Variants in TBPL1 observed in about 807,000 individuals in gnomAD.
TBPL1 encodes TATA box-binding protein-like 1.
In TBPL1, 4 loss-of-function variants were observed where a neutral mutation model predicts 22.1. The observed-to-expected ratio is 0.18, with a 90% CI of 0.09 to 0.41. The LOEUF (loss-of-function observed/expected upper bound fraction) is 0.41. Among genes scored for constraint, TBPL1 ranks in the 10% least tolerant of loss-of-function variants. TBPL1 has a pLI of 1.00. For missense variants in TBPL1, 115 were observed against 222.3 expected (o/e 0.52, Z 3.07); for synonymous variants, 64 against 71.0 (o/e 0.90, Z 0.50).
chr6:133,989,126 T>C lies in TBPL1; in HGVS notation c.*2086T>C, dbSNP rs1474486257. 6.6e-6 allele frequency: 1 copy of C among 152,184 alleles called. No homozygotes were observed. Among genetic ancestry groups the C allele is most frequent in the Admixed American group, 6.5e-5 (1 of 15,278 alleles). The allele number at this position is 152,184 out of a possible 1,614,324, so 9.4% of individuals were successfully genotyped here. On this transcript the variant is annotated 3_prime_UTR_variant, in exon 7 of 7. Transcript: ENST00000237264. ...AGTGTCCATGGGTAATTCGCTAACC[T>C]TAACAAAGATGGGAAGAAGTGAGTG...
intron 1 of TBPL1, among the ~76,000 whole-genome samples, chr6:133,969,745 T>G (rs1405392345): frequency 1.3e-5 from 2 of 152,216 alleles, no homozygotes; most frequent in Non-Finnish European, 2.9e-5. Flanking sequence ...GGTTTTCAAC[T>G]GTTAGACCTT....
At chr6:133,969,442 G>A (rs896846466) in intron 1 of TBPL1, among the ~76,000 whole-genome samples, 1 of 151,924 alleles carries the variant, frequency 6.6e-6, no homozygotes, top group African/African-American at 2.4e-5. Flanking sequence ...TCTAGATTGA[G>A]TCTCATAGAT....
intron 1 of TBPL1, among the ~76,000 whole-genome samples, chr6:133,967,676 T>C (rs1340417531): frequency 1.3e-5 from 2 of 152,176 alleles, no homozygotes; most frequent in Non-Finnish European, 1.5e-5. Flanking sequence ...AGTATTTGGG[T>C]ATCTAAACAT....
At chr6:133,962,303 G>A (rs1332934918) in intron 1 of TBPL1, among the ~76,000 whole-genome samples, 1 of 152,202 alleles carries the variant, frequency 6.6e-6, no homozygotes, top group African/African-American at 2.4e-5. Flanking sequence ...TAGCTATTTG[G>A]TAGATGGATT....
In TBPL1 at chr6:133,982,441, GGA is replaced by G. The variant is rs934621125; in HGVS notation, c.136-123_136-122del. 6.0e-6 allele frequency: 4 copies of G among 667,606 alleles called. No individual in the cohort carries two copies. In the African/African-American group the frequency reaches 7.4e-5, roughly 12 times the overall value. The allele number at this position is 667,606 out of a possible 1,614,324, so 41.4% of individuals were successfully genotyped here. A position where few individuals can be genotyped will look rare whatever the true frequency, so the allele number is the denominator to read the frequency against. On this transcript the variant is annotated intron_variant, in intron 2 of 6. Coordinates refer to ENST00000237264, the MANE Select transcript of TBPL1 (RefSeq NM_004865.4). ...TACTTGATTTCAGAATGGTAGATTT[GGA>G]GAGCAGTTATTGCAGTCTTGGATAA...
intron 1 of TBPL1, among the ~76,000 whole-genome samples, chr6:133,954,808 C>T (rs145263790): frequency 2.0e-4 from 31 of 152,278 alleles, no homozygotes; most frequent in African/African-American, 6.5e-4. Flanking sequence ...TACCCTCTGC[C>T]CTCAAAATCA....
chr6:133,957,761 T>A (rs1775952341), intron 1 of TBPL1, among the ~76,000 whole-genome samples: 1 of 152,240 alleles, frequency 6.6e-6, no homozygotes, highest in Non-Finnish European at 1.5e-5. Context: ...AGTTTCCTCA[T>A]CTGTACTAGG....
chr6:133,979,138 T>G (rs983467810), intron 1 of TBPL1, among the ~76,000 whole-genome samples: 2 of 152,156 alleles, frequency 1.3e-5, no homozygotes, highest in African/African-American at 4.8e-5. Flanking sequence ...TTGGTAGAGC[T>G]CCTCCTGTAC....
intron 1 of TBPL1, among the ~76,000 whole-genome samples, chr6:133,960,376 T>G (rs1304134000): frequency 6.6e-6 from 1 of 151,898 alleles, no homozygotes; most frequent in African/African-American, 2.4e-5. Context: ...AATGGAAATC[T>G]GTAGGTCTCA....
At chr6:133,956,887 G>C (rs945654738) in intron 1 of TBPL1, among the ~76,000 whole-genome samples, 8 of 152,206 alleles carry the variant, frequency 5.3e-5, no homozygotes, top group African/African-American at 1.7e-4. Flanking sequence ...ATTTCAAAAG[G>C]ATGAGAGACT....
Position 133,984,596 on chromosome 6 carries a change from C to T in TBPL1, c.406C>T (p.Pro136Ser). ...GTGTAGTTACGAACCTGAACTTCATCCTGCTGTGTGCTATCGGATAAAATC... is the reference window on the plus strand; with the variant it reads ...GTGTAGTTACGAACCTGAACTTCATTCTGCTGTGTGCTATCGGATAAAATC... ...PHASYEPELH[P>S]AVCYRIKSLR... The change falls in exon 6 of 7, where the codon CCT becomes TCT. Residue 136 changes from proline to serine, a missense_variant. Pro to Ser is a moderately conservative substitution (Grantham distance 74, BLOSUM62 -1). Transcript: ENST00000237264. 6.2e-7 allele frequency: 1 copy of T among 1,613,366 alleles called. No homozygotes were observed. The highest frequency in any genetic ancestry group is 8.5e-7 in the Non-Finnish European group (1 of 1,179,782).
At chr6:133,968,212 C>A (rs556401035) in intron 1 of TBPL1, among the ~76,000 whole-genome samples, 1 of 152,126 alleles carries the variant, frequency 6.6e-6, no homozygotes, top group East Asian at 1.9e-4. Context: ...TGATCTCGAT[C>A]TCTTGACCTC....
At chr6:133,971,515 G>A (rs1022366304) in intron 1 of TBPL1, among the ~76,000 whole-genome samples, 2 of 152,018 alleles carry the variant, frequency 1.3e-5, no homozygotes, top group African/African-American at 4.8e-5. Context: ...GGCTATGTGA[G>A]TTTACTATCC....
rs1776564391 is a variant in TBPL1, at chr6:133,988,131, C to T, written c.*1091C>T. ...GCCACAGTGTAATTATCAAATAGCC[C>T]CACTTGAATTTGAAAGCCATTTTGT... is the stretch of plus-strand genomic sequence containing the variant. On this transcript the variant is annotated 3_prime_UTR_variant, in exon 7 of 7. Transcript: ENST00000237264. The T allele has an allele frequency of 6.6e-6, 1 of 152,120 alleles. No homozygotes were observed. 9.4% of individuals were successfully genotyped at this position (152,120 alleles called of 1,614,324 possible).
At chr6:133,962,166 T>C (rs1239852979) in intron 1 of TBPL1, among the ~76,000 whole-genome samples, 3 of 152,142 alleles carry the variant, frequency 2.0e-5, no homozygotes, top group Non-Finnish European at 4.4e-5. Context: ...GATTAGGTTA[T>C]ATAAGGAAGA....
intron 1 of TBPL1, among the ~76,000 whole-genome samples, chr6:133,968,011 CTTTTTTTTTT>C (rs535103637): frequency 8.8e-5 from 12 of 136,088 alleles, no homozygotes; most frequent in African/African-American, 2.4e-4. Flanking sequence ...TGACTATTTT[CTTTTTTTTTT>C]TTTTTTGAGA....
chr6:133,959,158 G>A (rs922732885), intron 1 of TBPL1, among the ~76,000 whole-genome samples: 3 of 152,048 alleles, frequency 2.0e-5, no homozygotes, highest in Admixed American at 2.0e-4. Context: ...TTGTGCCTCA[G>A]ACACCCAAGT....
chr6:133,970,714 C>T (rs1231870853), intron 1 of TBPL1, among the ~76,000 whole-genome samples: 1 of 151,930 alleles, frequency 6.6e-6, no homozygotes. Flanking sequence ...GTTCAGTGCA[C>T]CTCAGCCTCC....
rs1266731657 is a variant in TBPL1, at chr6:133,989,170, G to C, written c.*2130G>C. ...GTGAGTGCTCTGATGTCTTCTGCTG[G>C]CTCTCCATAAGTACTGTAAATTTTT... On this transcript the variant is annotated 3_prime_UTR_variant, in exon 7 of 7. Transcript: ENST00000237264. 1.3e-5 allele frequency: 2 copies of C among 152,072 alleles called. No individual in the cohort carries two copies. Among genetic ancestry groups the C allele is most frequent in the African/African-American group, 4.8e-5 (2 of 41,404 alleles). The allele number at this position is 152,072 out of a possible 1,614,324, so 9.4% of individuals were successfully genotyped here.
Sources: gnomAD v4.1 joint callset for allele counts (sites outside exome capture counted in the v4.1 genomes callset) on GRCh38, gnomAD v4.1.1 for gene constraint, MANE v1.5 for transcripts, NCBI Gene and HGNC (gene_info 2026-07-23, HGNC 2026-07-21) for gene names.